Variants in ZNF862 observed in about 807,000 individuals in gnomAD.
ZNF862 encodes zinc finger protein 862.
Under a neutral mutation model 91.1 loss-of-function variants are expected in ZNF862, and 64 were observed. The ratio of observed to expected loss-of-function variants is 0.70; its 90% CI spans 0.57 to 0.87. The LOEUF is 0.87. Ranked by LOEUF, ZNF862 falls within the 40% of genes least tolerant of loss-of-function variation. The pLI is 0.00. For synonymous variants in ZNF862, 631 were observed against 618.1 expected (o/e 1.02, Z -0.31); for missense variants, 1,459 against 1,528.0 (o/e 0.95, Z 0.75).
At chr7:149,847,648 T>G in intron 3 of ZNF862, 87 bp from the exon 4 acceptor site, 2 of 811,184 alleles carry the variant, frequency 2.5e-6, no homozygotes, top group Non-Finnish European at 3.9e-6. Flanking sequence ...CCGTCTTTCA[T>G]ATTTGGTGTA....
At position 149,859,326 on chromosome 7, in the gene ZNF862, C is replaced by T. The variant is rs1586066065; in HGVS notation, c.1118-96C>T. 6 of 1,105,342 alleles carry T rather than the reference C, an allele frequency of 5.4e-6. 1 individual carries two copies. The East Asian group carries it at 1.5e-4, about 28-fold the overall frequency. The allele number at this position is 1,105,342 out of a possible 1,614,324, so 68.5% of individuals were successfully genotyped here. A position where few individuals can be genotyped will look rare whatever the true frequency, so the allele number is the denominator to read the frequency against. On this transcript the variant is annotated intron_variant, in intron 5 of 7. Coordinates refer to ENST00000223210, the MANE Select transcript of ZNF862 (RefSeq NM_001099220.3). The stretch of plus-strand genomic sequence containing the variant: ...ACTTTATAAGGACAGAACCCAGAGA[C>T]ACCTCTGTGTACTTCAGGGACTGGG...
At chr7:149,840,311 A>G (rs1801660653) in intron 1 of ZNF862, among the ~76,000 whole-genome samples, 1 of 151,592 alleles carries the variant, frequency 6.6e-6, no homozygotes, top group Non-Finnish European at 1.5e-5. Context: ...ATACAAAAAT[A>G]TTTAAAGAAA....
At chr7:149,839,532 G>A (rs927932710) in intron 1 of ZNF862, among the ~76,000 whole-genome samples, 1 of 152,194 alleles carries the variant, frequency 6.6e-6, no homozygotes, top group Non-Finnish European at 1.5e-5. Flanking sequence ...CCTTTCTCAA[G>A]GAGCTCTCCT....
Position 149,861,489 on chromosome 7 carries a change from G to A in ZNF862, c.2329G>A (p.Glu777Lys). The change falls in exon 7 of 8, where the codon GAG becomes AAG. Residue 777 changes from glutamate (E) to lysine (K), a missense_variant. Coordinates refer to ENST00000223210, the MANE Select transcript of ZNF862 (RefSeq NM_001099220.3). The surrounding 1 kb of genome is among the most constrained non-coding windows in gnomAD (Gnocchi z 6.7). ...LQEGAAPLEQ[E>K]IIRLKDLNAV... ...GGAAGGTGCGGCGCCTCTGGAGCAG[G>A]AGATCATCCGCCTGAAGGATCTGAA... The A allele has an allele frequency of 6.2e-7, 1 of 1,612,532 alleles. No individual in the cohort carries two copies. Among genetic ancestry groups the A allele is most frequent in the East Asian group, 2.2e-5 (1 of 44,858 alleles).
intron 5 of ZNF862, among the ~76,000 whole-genome samples, chr7:149,851,059 C>T (rs1374111473): frequency 6.6e-6 from 1 of 152,234 alleles, no homozygotes; most frequent in African/African-American, 2.4e-5. Context: ...TTGCCTCTTT[C>T]TGGCAGATTA....
chr7:149,846,046 C>T, intron 2 of ZNF862, 105 bp from the exon 3 acceptor site: 1 of 775,458 alleles, frequency 1.3e-6, no homozygotes, highest in Non-Finnish European at 2.2e-6. Flanking sequence ...TCTCACCATG[C>T]CGAGAGATGT....
rs867791739 is a variant in ZNF862, at chr7:149,850,252, G to T, written c.1031G>T (p.Arg344Leu). The change falls in exon 5 of 8, where the codon CGG (arginine) becomes CTG (leucine). Residue 344 changes from arginine (R) to leucine (L), a missense_variant. Coordinates refer to ENST00000223210, the MANE Select transcript of ZNF862 (RefSeq NM_001099220.3). The surrounding 1 kb of genome is among the most constrained non-coding windows in gnomAD (Gnocchi z 4.2). ...VFEDVAVYFTREEWGMLDKRQ... is the reference protein window; with the variant it reads ...VFEDVAVYFTLEEWGMLDKRQ... ...GAGGATGTGGCAGTGTATTTCACCC[G>T]GGAGGAGTGGGGCATGCTAGACAAG... The T allele has an allele frequency of 6.2e-7, 1 of 1,613,272 alleles. No homozygotes were observed. Among genetic ancestry groups the T allele is most frequent in the East Asian group, 2.2e-5 (1 of 44,842 alleles).
In ZNF862 at chr7:149,859,510, GA is replaced by G; in HGVS notation, c.1209del (p.Gly404ValfsTer12). The G allele has an allele frequency of 6.3e-7, 1 of 1,578,090 alleles. No individual in the cohort carries two copies. The highest frequency in any genetic ancestry group is 8.6e-7 in the Non-Finnish European group (1 of 1,161,248). ...IKDPNGPKWG[K>X]GRPPGNKKMV... is the part of the protein sequence containing the mutation. Reference sequence around the variant, plus strand: ...AGGACCCAAATGGGCCAAAGTGGGGGAAAGGTCGTCCTCCAGGTGAGTGTAA... The same window carrying G: ...AGGACCCAAATGGGCCAAAGTGGGGGAAGGTCGTCCTCCAGGTGAGTGTAA... On this transcript the variant is annotated frameshift_variant, in exon 6 of 8. Transcript: ENST00000223210. LOFTEE classifies it high-confidence loss of function.
intron 2 of ZNF862, among the ~76,000 whole-genome samples, chr7:149,845,260 T>C (rs974928942): frequency 1.2e-4 from 18 of 152,284 alleles, no homozygotes; most frequent in Admixed American, 9.8e-4. Context: ...TCATCTCATC[T>C]ATTTTTGAAT....
chr7:149,838,818 G>A (rs1801609488), intron 1 of ZNF862, among the ~76,000 whole-genome samples, 183 bp downstream of exon 1: 1 of 152,258 alleles, frequency 6.6e-6, no homozygotes, highest in South Asian at 2.1e-4. Context: ...GCGGAGAGGA[G>A]CGGACGCTTC....
Position 149,855,244 on chromosome 7 carries a change from T to G in ZNF862, c.1118-4178T>G, listed in dbSNP as rs111743964. Among the ~76,000 whole-genome samples, 1,746 of 152,350 alleles carry G rather than the reference T, an allele frequency of 0.011. 13 individuals are homozygous for G. Among genetic ancestry groups the G allele is most frequent in the Non-Finnish European group, 0.018 (1,228 of 68,036 alleles). On this transcript the variant is annotated intron_variant, in intron 5 of 7. Transcript: ENST00000223210. This position sits in a 1 kb window ranked among gnomAD's most constrained non-coding sequence, Gnocchi z 4.1. ...TCAATGATTGGAGTTCCTTGTGTTA[T>G]TCAATCTTTTCTGTAAATTTGAAAT...
intron 7 of ZNF862, among the ~76,000 whole-genome samples, 198 bp from the exon 8 acceptor site, chr7:149,863,911 G>C (rs902427173): frequency 6.6e-6 from 1 of 152,284 alleles, no homozygotes; most frequent in East Asian, 1.9e-4. Context: ...GGACAAAATC[G>C]CCCCCAGTTG....
At chr7:149,858,148 G>C (rs1032199709) in intron 5 of ZNF862, among the ~76,000 whole-genome samples, 2 of 152,110 alleles carry the variant, frequency 1.3e-5, no homozygotes, top group Admixed American at 1.3e-4. Context: ...CCTGTTGCCT[G>C]CAGTTTCTGA....
intron 4 of ZNF862, among the ~76,000 whole-genome samples, chr7:149,849,773 C>A (rs1360091728): frequency 6.6e-6 from 1 of 152,186 alleles, no homozygotes; most frequent in East Asian, 1.9e-4. Context: ...TTTTGACCAC[C>A]TCTTTGTTCC....
Position 149,862,324 on chromosome 7 carries a change from C to G in ZNF862, c.3164C>G (p.Thr1055Ser). Reference sequence around the variant, plus strand: ...AACCGAATCAGGACCGATGAGAGGACCAAGCTCTCCAACGAGGTGCTCAAC... The same window carrying G: ...AACCGAATCAGGACCGATGAGAGGAGCAAGCTCTCCAACGAGGTGCTCAAC... ...AMNRIRTDER[T>S]KLSNEVLNML... The change falls in exon 7 of 8, where the codon ACC (threonine) becomes AGC (serine). Residue 1055 changes from threonine (T) to serine (S), a missense_variant. Coordinates refer to ENST00000223210, the MANE Select transcript of ZNF862 (RefSeq NM_001099220.3). 6.2e-7 allele frequency: 1 copy of G among 1,613,418 alleles called. No homozygotes were observed. The highest frequency in any genetic ancestry group is 8.5e-7 in the Non-Finnish European group (1 of 1,179,706).
chr7:149,840,631 CTT>C (rs1156745592), intron 1 of ZNF862, among the ~76,000 whole-genome samples: 17 of 141,942 alleles, frequency 1.2e-4, no homozygotes, highest in Admixed American at 1.4e-4. Flanking sequence ...ACAGATGGAC[CTT>C]TTTTTTTTTT....
At position 149,861,889 on chromosome 7, in the gene ZNF862, TG is replaced by T. The variant is rs749102765; in HGVS notation, c.2731del (p.Glu911ArgfsTer2). On this transcript the variant is annotated frameshift_variant, in exon 7 of 8. Transcript: ENST00000223210. LOFTEE classifies it high-confidence loss of function. The surrounding 1 kb of genome is among the most constrained non-coding windows in gnomAD (Gnocchi z 6.7). ...CTCCACGGCATCTGCTTGGACAAAC[TG>T]GAGGTAGCGGAACAGCGGTTCCAGG... is the stretch of plus-strand genomic sequence containing the variant. Reference protein sequence around the residue: ...GRLHGICLDKLEVAEQRFQAD... With the variant: ...GRLHGICLDKXEVAEQRFQAD... The T allele has an allele frequency of 1.2e-6, 2 of 1,613,620 alleles. No individual in the cohort carries two copies. Among genetic ancestry groups the T allele is most frequent in the African/African-American group, 2.7e-5 (2 of 74,962 alleles).
intron 5 of ZNF862, among the ~76,000 whole-genome samples, chr7:149,856,650 G>A (rs1222177877): frequency 3.3e-5 from 5 of 152,046 alleles, no homozygotes; most frequent in African/African-American, 4.8e-5. Flanking sequence ...TGGAGACTTC[G>A]CTCCGGGGCC....
rs1268466871 is a variant in ZNF862 at position 149,855,625 on chromosome 7, T to C, written c.1118-3797T>C. On this transcript the variant is annotated intron_variant, in intron 5 of 7. Coordinates refer to ENST00000223210, the MANE Select transcript of ZNF862 (RefSeq NM_001099220.3). This position sits in a 1 kb window ranked among gnomAD's most constrained non-coding sequence, Gnocchi z 4.1. ...GTTCTGCAGTACCCCCAACAGGCAC[T>C]GAGACCCTCTCGCTTGCAGTTGCCT... 6.6e-6 allele frequency among the ~76,000 whole-genome samples: 1 copy of C among 152,230 alleles called. No individual in the cohort carries two copies. The highest frequency in any genetic ancestry group is 2.4e-5 in the African/African-American group (1 of 41,462).
Sources: allele counts gnomAD v4.1 joint callset (sites outside exome capture counted in the v4.1 genomes callset), GRCh38; gene constraint gnomAD v4.1.1; non-coding constraint Gnocchi (gnomAD v3.1); transcripts MANE v1.5; gene names NCBI Gene and HGNC (gene_info 2026-07-23, HGNC 2026-07-21).